The following IQCM variants were observed in gnomAD, a reference collection of about 807,000 sequenced individuals.
IQCM encodes the protein IQ motif containing M.
IQCM carries 45 observed loss-of-function variants against 57.6 expected under a neutral mutation model. The observed-to-expected ratio is 0.78, with a 90% confidence interval of 0.62 to 1.00. The LOEUF (loss-of-function observed/expected upper bound fraction) is 1.00, where lower values mean the gene tolerates loss of function less well. IQCM is among the 50% of genes least tolerant of loss of function. The probability of loss-of-function intolerance (pLI) is 0.00; values close to 1 mark genes in which losing one functional copy is unlikely to be tolerated. For missense variants in IQCM, 468 were observed against 511.6 expected, an observed-to-expected ratio of 0.91 and a Z score of 0.82; for synonymous variants, 148 against 158.9, an observed-to-expected ratio of 0.93 and a Z score of 0.51.
At chr4:149,597,115 A>C (rs902991307) in intron 8 of IQCM, among the ~76,000 whole-genome samples, 1 of 152,154 alleles carries the variant, frequency 6.6e-6, no homozygotes, top group African/African-American at 2.4e-5. Flanking sequence ...TTGACTGAGC[A>C]GACTTGGAAA....
At chr4:149,520,372 G>T (rs1223434431) in intron 12 of IQCM, among the ~76,000 whole-genome samples, 1 of 151,944 alleles carries the variant, frequency 6.6e-6, no homozygotes, top group East Asian at 1.9e-4. Context: ...TTCCTGGGTG[G>T]TTCACCATTT....
chr4:149,577,747 T>C (rs1283842637), intron 9 of IQCM, among the ~76,000 whole-genome samples: 1 of 151,964 alleles, frequency 6.6e-6, no homozygotes, highest in African/African-American at 2.4e-5. Context: ...TTAAAAGAGT[T>C]TTTTCTAATT....
intron 12 of IQCM, among the ~76,000 whole-genome samples, chr4:149,490,498 A>G (rs2149773659): frequency 6.6e-6 from 1 of 152,232 alleles, no homozygotes; most frequent in South Asian, 2.1e-4. Context: ...AATAAAAAAC[A>G]TACTATGAGC....
chr4:149,626,610 G>C (rs950100188), intron 7 of IQCM, among the ~76,000 whole-genome samples: 3 of 151,410 alleles, frequency 2.0e-5, no homozygotes, highest in Non-Finnish European at 2.9e-5. Context: ...GAACAAGTTT[G>C]GTAGATACTT....
chr4:149,812,110 T>TC (rs2150069387), intron 2 of IQCM, among the ~76,000 whole-genome samples: 1 of 152,296 alleles, frequency 6.6e-6, no homozygotes, highest in African/African-American at 2.4e-5. Flanking sequence ...CAAAGTACTC[T>TC]CAAAGGAAGG....
chr4:149,513,704 A>T (rs928553620), intron 12 of IQCM, among the ~76,000 whole-genome samples: 2 of 152,198 alleles, frequency 1.3e-5, no homozygotes, highest in Admixed American at 1.3e-4. Context: ...TTGGGAGAGT[A>T]AAATGAATGT....
chr4:149,505,188 C>T (rs1743666789), intron 12 of IQCM, among the ~76,000 whole-genome samples: 4 of 152,142 alleles, frequency 2.6e-5, no homozygotes, highest in Admixed American at 6.5e-5. Context: ...AGGGGGACAG[C>T]GGGCATAACA....
Position 149,815,332 on chromosome 4 carries a change from G to GTCAT in IQCM, c.-74_-71dup, listed in dbSNP as rs1774956317. The GTCAT allele has an allele frequency of 6.6e-6, 1 of 151,784 alleles. No individual in the cohort carries two copies. The highest frequency in any genetic ancestry group is 2.4e-5 in the African/African-American group (1 of 41,358). The allele number at this position is 151,784 out of a possible 1,614,324, so 9.4% of individuals were successfully genotyped here. On this transcript the variant is annotated 5_prime_UTR_variant, in exon 2 of 14. It adds an upstream start codon to the 5' untranslated region. Transcript: ENST00000636793. ...CTACCTTAAAGTTTTTCATTCCAAGGTCATTTGTTCTTCTTCCTAGAAGGC... is the reference window on the plus strand; with the variant it reads ...CTACCTTAAAGTTTTTCATTCCAAGGTCATTCATTTGTTCTTCTTCCTAGAAGGC...
chr4:149,728,977 T>A (rs1297176988), intron 5 of IQCM, among the ~76,000 whole-genome samples: 1 of 152,156 alleles, frequency 6.6e-6, no homozygotes, highest in Non-Finnish European at 1.5e-5. Context: ...TATCTCCATC[T>A]TCCCCAAAGC....
At chr4:149,674,733 T>G (rs1241461460) in intron 7 of IQCM, among the ~76,000 whole-genome samples, 1 of 152,088 alleles carries the variant, frequency 6.6e-6, no homozygotes, top group Non-Finnish European at 1.5e-5. Flanking sequence ...GTGGAAACCT[T>G]AATTAAGCAG....
At chr4:149,642,559 A>C (rs969636054) in intron 7 of IQCM, among the ~76,000 whole-genome samples, 1 of 152,170 alleles carries the variant, frequency 6.6e-6, no homozygotes, top group Non-Finnish European at 1.5e-5. Flanking sequence ...TATTGCCTTC[A>C]TATATCTAAA....
intron 2 of IQCM, among the ~76,000 whole-genome samples, chr4:149,764,212 G>C (rs1769817967): frequency 6.6e-6 from 1 of 152,124 alleles, no homozygotes; most frequent in Non-Finnish European, 1.5e-5. Flanking sequence ...CAAGCACTGG[G>C]AGAGAATCTC....
chr4:149,752,965 T>C (rs1561234579), intron 2 of IQCM, among the ~76,000 whole-genome samples: 2 of 152,146 alleles, frequency 1.3e-5, no homozygotes, highest in Admixed American at 6.5e-5. Flanking sequence ...AGGTTTGAAA[T>C]ATCACTATCA....
intron 12 of IQCM, among the ~76,000 whole-genome samples, chr4:149,436,238 C>T (rs950040553): frequency 3.3e-5 from 5 of 152,246 alleles, no homozygotes; most frequent in Middle Eastern, 3.4e-3. Context: ...ATCCTTACCA[C>T]TGTGTTACAA....
intron 13 of IQCM, among the ~76,000 whole-genome samples, chr4:149,366,979 A>G (rs1315725435): frequency 6.6e-6 from 1 of 152,034 alleles, no homozygotes; most frequent in African/African-American, 2.4e-5. Context: ...AAAACTAACA[A>G]TGAGAATAAT....
chr4:149,591,454 G>A (rs564268015), intron 8 of IQCM, among the ~76,000 whole-genome samples: 1 of 150,914 alleles, frequency 6.6e-6, no homozygotes, highest in Non-Finnish European at 1.5e-5. Context: ...TGTGGTTAAA[G>A]GTTTTTTTTT....
At chr4:149,766,365 T>C (rs533254618) in intron 2 of IQCM, among the ~76,000 whole-genome samples, 1 of 152,282 alleles carries the variant, frequency 6.6e-6, no homozygotes, top group African/African-American at 2.4e-5. Context: ...GTTCCTGTTA[T>C]TGATGCCTAT....
At chr4:149,715,406 C>T (rs1472952055) in intron 5 of IQCM, among the ~76,000 whole-genome samples, 5 of 152,196 alleles carry the variant, frequency 3.3e-5, no homozygotes, top group Non-Finnish European at 5.9e-5. Flanking sequence ...GCTTCCACTG[C>T]TTCCACCAGG....
chr4:149,779,631 T>A (rs928372076), intron 2 of IQCM, among the ~76,000 whole-genome samples: 1 of 152,000 alleles, frequency 6.6e-6, no homozygotes, highest in Non-Finnish European at 1.5e-5. Context: ...TAAGAATAGG[T>A]TTGGAGAGTC....
Sources: allele counts gnomAD v4.1 joint callset (sites outside exome capture counted in the v4.1 genomes callset), GRCh38; gene constraint gnomAD v4.1.1; transcripts MANE v1.5; gene names NCBI Gene and HGNC (gene_info 2026-07-23, HGNC 2026-07-21).